Variants in GMEB1 observed in about 807,000 individuals in gnomAD.
The protein encoded by GMEB1 is glucocorticoid modulatory element binding protein 1.
In GMEB1, 6 loss-of-function variants were observed where a neutral mutation model predicts 52.4. That is an observed-to-expected ratio of 0.11 (90% CI 0.06 to 0.23). The LOEUF (loss-of-function observed/expected upper bound fraction) is 0.23. GMEB1 is among the 10% of genes least tolerant of loss of function. The pLI is 1.00. For missense variants in GMEB1, 486 were observed against 685.6 expected (o/e 0.71, Z 3.25); for synonymous variants, 255 against 244.9 (o/e 1.04, Z -0.38).
At position 28,718,926 on chromosome 1, in the gene GMEB1, G is replaced by T. The variant is rs1671338304; in HGVS notation, c.*4153G>T. ...AGCTGATTTAGGAGAGACCACTTTT[G>T]GCTAGGTTTATTGTACTACTTGATT... On this transcript the variant is annotated 3_prime_UTR_variant, in exon 10 of 10. Coordinates refer to ENST00000373816, the MANE Select transcript of GMEB1 (RefSeq NM_001319674.2). 1 of 152,166 alleles carries T rather than the reference G, an allele frequency of 6.6e-6. No homozygotes were observed. Among genetic ancestry groups the T allele is most frequent in the Non-Finnish European group, 1.5e-5 (1 of 68,038 alleles). The allele number at this position is 152,166 out of a possible 1,614,324, so 9.4% of individuals were successfully genotyped here.
intron 1 of GMEB1, 145 bp downstream of exon 1, chr1:28,668,984 C>G (rs935356220): frequency 7.3e-6 from 1 of 137,606 alleles, no homozygotes; most frequent in Non-Finnish European, 1.6e-5. Context: ...TCCCCACGCC[C>G]TGTGCGTGCC....
At position 28,715,138 on chromosome 1, in the gene GMEB1, CTG is replaced by C. The variant is rs1671232576; in HGVS notation, c.*366_*367del. ...CTTGTAAAGATGCATTGACCAAACT[CTG>C]GAACACAGATCTGACACTGGAAGGC... On this transcript the variant is annotated 3_prime_UTR_variant, in exon 10 of 10. Coordinates refer to ENST00000373816, the MANE Select transcript of GMEB1 (RefSeq NM_001319674.2). The C allele has an allele frequency of 5.0e-6, 1 of 199,442 alleles. No individual in the cohort carries two copies. The highest frequency in any genetic ancestry group is 9.4e-5 in the South Asian group (1 of 10,586). The allele number at this position is 199,442 out of a possible 1,614,324, so 12.4% of individuals were successfully genotyped here.
In GMEB1 at chr1:28,714,480, A is replaced by C; in HGVS notation, c.1399A>C (p.Thr467Pro). 2.5e-6 allele frequency: 4 copies of C among 1,614,170 alleles called. No homozygotes were observed. Among genetic ancestry groups the C allele is most frequent in the Non-Finnish European group, 3.4e-6 (4 of 1,180,034 alleles). Residue 467 changes from threonine (T) to proline (P), a missense_variant, in exon 10 of 10, where the codon ACT (threonine) becomes CCT (proline). Thr to Pro is a conservative substitution (Grantham distance 38). Around this residue, in one of 5 missense-constraint regions of GMEB1, gnomAD observed 153 missense variants for 200.8 expected, o/e 0.76. Coordinates refer to ENST00000373816, the MANE Select transcript of GMEB1 (RefSeq NM_001319674.2). Reference sequence around the variant, plus strand: ...ATCTAGCTTGGCGCTGCTGAGCTCTACTGCCATGCAGGATGGGAGTACACT... The same window carrying C: ...ATCTAGCTTGGCGCTGCTGAGCTCTCCTGCCATGCAGGATGGGAGTACACT... Reference protein sequence around the residue: ...PSSSLALLSSTAMQDGSTLGN... With the variant: ...PSSSLALLSSPAMQDGSTLGN...
Position 28,688,892 on chromosome 1 carries a change from G to A in GMEB1, c.129-1212G>A, listed in dbSNP as rs1158862450. Among the ~76,000 whole-genome samples, 11 of 97,158 alleles carry A rather than the reference G, an allele frequency of 1.1e-4. 1 individual carries two copies. The highest frequency in any genetic ancestry group is 2.1e-4 in the Non-Finnish European group (10 of 47,772). The allele number at this position is 97,158 out of a possible 152,430, so 63.7% of individuals were successfully genotyped here. On this transcript the variant is annotated intron_variant, in intron 2 of 9. Coordinates refer to ENST00000373816, the MANE Select transcript of GMEB1 (RefSeq NM_001319674.2). The stretch of plus-strand genomic sequence containing the variant: ...CAATACTATGCCATGGGCATTTAAA[G>A]TTTTTTTTTTCTTTTTTGAGACAGA...
chr1:28,700,184 G>A (rs1482840866), intron 6 of GMEB1, among the ~76,000 whole-genome samples: 1 of 151,356 alleles, frequency 6.6e-6, no homozygotes, highest in Non-Finnish European at 1.5e-5. Flanking sequence ...CCTGACCAAC[G>A]TGGTGAAACC....
chr1:28,697,996 C>T (rs1670308590), intron 6 of GMEB1, among the ~76,000 whole-genome samples: 2 of 152,000 alleles, frequency 1.3e-5, no homozygotes, highest in Admixed American at 6.6e-5. Flanking sequence ...AAAAATTAGC[C>T]AGGTGTGGTG....
rs527946084 is a variant in GMEB1 at position 28,703,015 on chromosome 1, TCAAAAAA to T, written c.730+464_730+470del. Among the ~76,000 whole-genome samples the T allele has an allele frequency of 6.1e-3, 931 of 152,154 alleles. 1 individual carries two copies. The highest frequency in any genetic ancestry group is 7.6e-3 in the African/African-American group (314 of 41,518). ...CTGGGCGACTAAGCAAGACTCCATC[TCAAAAAA>T]CAAAAAACAAAAAACAAGAAATCAG... is the stretch of plus-strand genomic sequence containing the variant. On this transcript the variant is annotated intron_variant, in intron 7 of 9. Transcript: ENST00000373816.
chr1:28,676,535 G>A (rs1255946631), intron 1 of GMEB1, among the ~76,000 whole-genome samples: 1 of 152,046 alleles, frequency 6.6e-6, no homozygotes, highest in Non-Finnish European at 1.5e-5. Flanking sequence ...AGACCATCCT[G>A]ACTAACACGG....
At chr1:28,683,524 C>A in intron 1 of GMEB1, 59 bp from the exon 2 acceptor site, 5 of 1,399,062 alleles carry the variant, frequency 3.6e-6, no homozygotes, top group Non-Finnish European at 4.8e-6. Context: ...CCACCATGCC[C>A]GGCCTGTTGA....
intron 1 of GMEB1, among the ~76,000 whole-genome samples, chr1:28,682,008 C>T (rs1468050556): frequency 2.0e-5 from 3 of 151,958 alleles, no homozygotes; most frequent in Non-Finnish European, 4.4e-5. Context: ...ACGGCCCTGA[C>T]TACACGTTTT....
At chr1:28,701,765 G>C (rs1314516376) in intron 6 of GMEB1, among the ~76,000 whole-genome samples, 1 of 151,458 alleles carries the variant, frequency 6.6e-6, no homozygotes, top group Non-Finnish European at 1.5e-5. Context: ...TTGCTATGTT[G>C]CCCAGGCTGG....
chr1:28,710,124 G>A (rs1670978311), intron 8 of GMEB1, among the ~76,000 whole-genome samples: 1 of 151,998 alleles, frequency 6.6e-6, no homozygotes, highest in Non-Finnish European at 1.5e-5. Context: ...TCCAGCCTGG[G>A]GGACAGAGCA....
intron 3 of GMEB1, 28 bp downstream of exon 3, chr1:28,690,214 T>TGTG (rs747661968): frequency 9.2e-7 from 1 of 1,081,338 alleles, no homozygotes. Flanking sequence ...TTTTTTTTTT[T>TGTG]TTTTTTTTTT....
At chr1:28,704,386 C>G in intron 8 of GMEB1, 57 bp downstream of exon 8, 1 of 1,477,384 alleles carries the variant, frequency 6.8e-7, no homozygotes, top group Non-Finnish European at 9.2e-7. Flanking sequence ...CCTCCGTAGG[C>G]AGGTCCTGTA....
At chr1:28,689,322 G>A (rs567180094) in intron 2 of GMEB1, among the ~76,000 whole-genome samples, 1 of 151,940 alleles carries the variant, frequency 6.6e-6, no homozygotes, top group Non-Finnish European at 1.5e-5. Context: ...CACCATGCCC[G>A]GCCCATTTAA....
chr1:28,707,030 T>A, intron 8 of GMEB1, among the ~76,000 whole-genome samples: 1 of 136,386 alleles, frequency 7.3e-6, no homozygotes, highest in Admixed American at 8.2e-5. Flanking sequence ...TCTCCCAGGC[T>A]GGAGTGCAGT....
intron 6 of GMEB1, among the ~76,000 whole-genome samples, chr1:28,699,180 C>T (rs1045495957): frequency 1.3e-5 from 2 of 152,030 alleles, no homozygotes; most frequent in African/African-American, 4.8e-5. Flanking sequence ...TTGAGGCTTC[C>T]CACAGATGAA....
Position 28,714,339 on chromosome 1 carries a change from G to T in GMEB1, c.1258G>T (p.Gly420Cys). ...TATTCCAGTGGCCACCCTCAGCCAGGGCTCCAGTCCTGTGACTGTCCACAC... is the reference window on the plus strand; with the variant it reads ...TATTCCAGTGGCCACCCTCAGCCAGTGCTCCAGTCCTGTGACTGTCCACAC... ...GNIPVATLSQ[G>C]SSPVTVHTLP... Residue 420 changes from glycine (G) to cysteine (C), a missense_variant, in exon 10 of 10, where the codon GGC becomes TGC. Physicochemically the swap from Gly to Cys is radical, Grantham distance 159 (BLOSUM62 -3). This residue lies in a region of GMEB1 where 153 missense variants were observed against 200.8 expected (regional missense o/e 0.76). Coordinates refer to ENST00000373816, the MANE Select transcript of GMEB1 (RefSeq NM_001319674.2). 6.2e-7 allele frequency: 1 copy of T among 1,614,160 alleles called. No individual in the cohort carries two copies. The highest frequency in any genetic ancestry group is 1.1e-5 in the South Asian group (1 of 91,086).
In GMEB1 at chr1:28,716,930, C is replaced by A. The variant is rs1307393853; in HGVS notation, c.*2157C>A. On this transcript the variant is annotated 3_prime_UTR_variant, in exon 10 of 10. Transcript: ENST00000373816. ...GGAAAAATATAGAGATACAGGGAAA[C>A]TACAGACAAATTTAAGGAAAAATAG... The A allele has an allele frequency of 6.6e-6, 1 of 151,494 alleles. No homozygotes were observed. The highest frequency in any genetic ancestry group is 1.5e-5 in the Non-Finnish European group (1 of 67,952). 9.4% of individuals were successfully genotyped at this position (151,494 alleles called of 1,614,324 possible). A position where few individuals can be genotyped will look rare whatever the true frequency, so the allele number is the denominator to read the frequency against.
Sources: gnomAD v4.1 joint callset for allele counts (sites outside exome capture counted in the v4.1 genomes callset) on GRCh38, gnomAD v4.1.1 for gene constraint, gnomAD v4.1.1 regional missense constraint, MANE v1.5 for transcripts, NCBI Gene and HGNC (gene_info 2026-07-23, HGNC 2026-07-21) for gene names.